PRKCZ: variants seen among roughly 807,000 people sequenced by gnomAD.
PRKCZ encodes protein kinase C zeta.
PRKCZ carries 33 observed loss-of-function variants against 79.5 expected under a neutral mutation model. The observed-to-expected ratio is 0.41, with a 90% CI of 0.31 to 0.55. The LOEUF (loss-of-function observed/expected upper bound fraction) is 0.55. Ranked by LOEUF, PRKCZ falls within the 20% of genes least tolerant of loss-of-function variation. The pLI, the probability that PRKCZ is intolerant of heterozygous loss-of-function variation, is 0.19. For missense variants in PRKCZ, 578 were observed against 813.5 expected, an observed-to-expected ratio of 0.71 and a Z score of 3.52; for synonymous variants, 342 against 320.9, an observed-to-expected ratio of 1.07 and a Z score of -0.70.
intron 4 of PRKCZ, chr1:2,073,603 GT>G (rs1435671143): frequency 1.0e-6 from 1 of 988,124 alleles, no homozygotes; most frequent in Admixed American, 5.9e-5. Flanking sequence ...AGAGATGCTT[GT>G]TTTCCTGTGA....
intron 10 of PRKCZ, among the ~76,000 whole-genome samples, chr1:2,161,291 C>T (rs1049788946): frequency 4.6e-5 from 7 of 152,254 alleles, no homozygotes; most frequent in Non-Finnish European, 7.3e-5. Context: ...CGGAGCAGGA[C>T]GCTTGGGCCT....
At chr1:2,133,420 C>T (rs1431663705) in intron 4 of PRKCZ, among the ~76,000 whole-genome samples, 3 of 150,512 alleles carry the variant, frequency 2.0e-5, no homozygotes, top group Admixed American at 6.6e-5. Flanking sequence ...GCGTCCGTTC[C>T]TCAGCTCAGT....
intron 6 of PRKCZ, among the ~76,000 whole-genome samples, chr1:2,145,822 G>A (rs1449688454): frequency 1.3e-5 from 2 of 152,158 alleles, no homozygotes; most frequent in Admixed American, 6.5e-5. Context: ...AAGCTGAGGC[G>A]GGAGGATTGC....
At chr1:2,155,318 A>G (rs262660) in intron 9 of PRKCZ, among the ~76,000 whole-genome samples, 36,046 of 148,798 alleles carry the variant, frequency 0.24, 4,887 homozygotes, top group Admixed American at 0.34. Context: ...TGGTGATGAC[A>G]GTGATGATGG....
intron 4 of PRKCZ, among the ~76,000 whole-genome samples, chr1:2,060,858 G>T (rs570827201): frequency 6.6e-6 from 1 of 152,192 alleles, no homozygotes; most frequent in Non-Finnish European, 1.5e-5. Context: ...GACGGTGGGC[G>T]TCAGGGCCCT....
chr1:2,108,192 C>T (rs1249664386), intron 4 of PRKCZ, among the ~76,000 whole-genome samples: 1 of 152,258 alleles, frequency 6.6e-6, no homozygotes, highest in African/African-American at 2.4e-5. Context: ...TGGGTGGGGC[C>T]ATGATCCTTC....
At chr1:2,152,089 ACT>A (rs1432229008) in intron 9 of PRKCZ, among the ~76,000 whole-genome samples, 1 of 151,670 alleles carries the variant, frequency 6.6e-6, no homozygotes, top group Non-Finnish European at 1.5e-5. Flanking sequence ...GCGCTCATGC[ACT>A]CTGCCCGCCT....
intron 1 of PRKCZ, among the ~76,000 whole-genome samples, chr1:2,053,352 G>T (rs1046097209): frequency 3.3e-5 from 5 of 152,188 alleles, no homozygotes; most frequent in Non-Finnish European, 5.9e-5. Context: ...GCCCGCCTTG[G>T]CCTCCCAAAG....
At chr1:2,070,779 G>A (rs3107127) in intron 4 of PRKCZ, among the ~76,000 whole-genome samples, 18,540 of 149,738 alleles carry the variant, frequency 0.12, 3,938 homozygotes, top group African/African-American at 0.44. Context: ...GGCTGGGGTG[G>A]GGCTGGCGGG....
intron 4 of PRKCZ, among the ~76,000 whole-genome samples, chr1:2,096,378 G>A (rs1028247669): frequency 3.3e-5 from 5 of 152,066 alleles, no homozygotes; most frequent in African/African-American, 1.2e-4. Flanking sequence ...GAGCACAGGT[G>A]TCGGCATCCC....
intron 4 of PRKCZ, among the ~76,000 whole-genome samples, chr1:2,108,073 G>C (rs12086600): frequency 0.018 from 2,682 of 152,356 alleles, 87 homozygotes; most frequent in African/African-American, 0.059. Context: ...GTGGTTGGAT[G>C]CCTGTTCTGG....
chr1:2,066,712 G>A (rs1019642340), intron 4 of PRKCZ, among the ~76,000 whole-genome samples: 18 of 152,150 alleles, frequency 1.2e-4, no homozygotes, highest in African/African-American at 4.3e-4. Flanking sequence ...TCCTTGAAGT[G>A]TAAAATTCGG....
At chr1:2,130,094 C>T (rs903818802) in intron 4 of PRKCZ, among the ~76,000 whole-genome samples, 9 of 152,032 alleles carry the variant, frequency 5.9e-5, no homozygotes, top group Non-Finnish European at 1.2e-4. Context: ...TTTATAGAGA[C>T]GGGGTCTCAC....
intron 4 of PRKCZ, among the ~76,000 whole-genome samples, chr1:2,102,416 C>T (rs1050646672): frequency 1.3e-5 from 2 of 151,370 alleles, no homozygotes; most frequent in Non-Finnish European, 1.5e-5. Context: ...CACTGCAAGC[C>T]CCGTCTCCCA....
intron 16 of PRKCZ, chr1:2,182,593 G>A (rs1040760120): frequency 2.7e-4 from 41 of 154,632 alleles, no homozygotes; most frequent in African/African-American, 9.7e-4. Context: ...GTTCGGCTTG[G>A]TCTGCAGGGG....
In PRKCZ at chr1:2,059,575, A is replaced by G. The variant is rs1878745; in HGVS notation, c.318A>G (p.Pro106=). 0.18 allele frequency: 297,273 copies of G among 1,613,828 alleles called. 30,188 individuals carry two copies. Among genetic ancestry groups the G allele is most frequent in the East Asian group, 0.46 (20,595 of 44,852 alleles). The change falls in exon 4 of 18, where the codon CCA becomes CCG. Residue 106 remains proline (P), a synonymous_variant. Coordinates refer to ENST00000378567, the MANE Select transcript of PRKCZ (RefSeq NM_002744.6). ...GCACCCCTGAGCAGCCTGGCCTGCCATGTCCGGGAGAAGACAGTGAGTACT... is the reference window on the plus strand; with the variant it reads ...GCACCCCTGAGCAGCCTGGCCTGCCGTGTCCGGGAGAAGACAGTGAGTACT... ...FPSTPEQPGL[P]CPGEDKSIYR...
chr1:2,184,760 A>T, intron 17 of PRKCZ, 62 bp downstream of exon 17: 8 of 1,506,050 alleles, frequency 5.3e-6, no homozygotes, highest in Non-Finnish European at 7.3e-6. Context: ...GCAGGCCGGC[A>T]CCTTGGGCAG....
intron 4 of PRKCZ, among the ~76,000 whole-genome samples, chr1:2,085,437 T>C (rs939113671): frequency 1.7e-4 from 26 of 152,242 alleles, no homozygotes; most frequent in Admixed American, 4.6e-4. Context: ...TTGACTTTAC[T>C]CCTGGCGGGG....
At chr1:2,060,213 C>T (rs908737) in intron 4 of PRKCZ, among the ~76,000 whole-genome samples, 12,173 of 152,326 alleles carry the variant, frequency 0.08, 1,637 homozygotes, top group African/African-American at 0.27. Flanking sequence ...ATGCCTTGTT[C>T]GTTGTGTGGG....
Sources: gnomAD v4.1 joint callset for allele counts (sites outside exome capture counted in the v4.1 genomes callset) on GRCh38, gnomAD v4.1.1 for gene constraint, MANE v1.5 for transcripts, NCBI Gene and HGNC (gene_info 2026-07-23, HGNC 2026-07-21) for gene names.